MIDEAS: variants seen among roughly 807,000 people sequenced by gnomAD.
MIDEAS encodes mitotic deacetylase associated SANT domain protein, also known as mitotic deacetylase-associated SANT domain protein.
In MIDEAS, 26 loss-of-function variants were observed where a neutral mutation model predicts 102.7. The observed-to-expected ratio is 0.25, with a 90% CI of 0.19 to 0.35. The LOEUF (loss-of-function observed/expected upper bound fraction) is 0.35, where lower values mean the gene tolerates loss of function less well. Ranked by LOEUF, MIDEAS falls within the 10% of genes least tolerant of loss-of-function variation. The pLI is 1.00. For synonymous variants in MIDEAS, 585 were observed against 591.0 expected (o/e 0.99, Z 0.15); for missense variants, 1,231 against 1,435.6 (o/e 0.86, Z 2.30).
chr14:73,723,119 T>A, intron 9 of MIDEAS: 1 of 287,398 alleles, frequency 3.5e-6, no homozygotes, highest in Non-Finnish European at 6.6e-6. Context: ...GCAATATGGA[T>A]TGCATATCAG....
At chr14:73,728,124 T>C (rs2053088996) in intron 4 of MIDEAS, 1 of 150,668 alleles carries the variant, frequency 6.6e-6, no homozygotes, top group Admixed American at 6.6e-5. Flanking sequence ...GCTCAAGGAG[T>C]TGAACCTCCA....
At chr14:73,723,576 A>G (rs971625244) in intron 9 of MIDEAS, 2 of 152,276 alleles carry the variant, frequency 1.3e-5, no homozygotes, top group African/African-American at 4.8e-5. Context: ...ACTGTAACTT[A>G]CTTTTAATGA....
rs747771368 is a variant in MIDEAS at position 73,739,122 on chromosome 14, A to C, written c.887T>G (p.Leu296Arg). The C allele has an allele frequency of 6.2e-6, 10 of 1,610,752 alleles. No individual in the cohort carries two copies. Among genetic ancestry groups the C allele is most frequent in the Admixed American group, 1.7e-5 (1 of 59,848 alleles). ...GTGGTGAGCCAGGTGGGACTGTCCC[A>C]GTGGCCCAGCTGGCTGCAGGCCAAA... ...QDFGLQPAGP[L>R]GQSHLAHHSM... The change falls in exon 2 of 13, where the codon CTG (leucine) becomes CGG (arginine). Residue 296 changes from leucine to arginine, a missense_variant. Physicochemically the swap from Leu to Arg is moderately radical, Grantham distance 102 (BLOSUM62 -2). This residue lies in a region of MIDEAS where 758 missense variants were observed against 856.0 expected (regional missense o/e 0.89). Coordinates refer to ENST00000423556, the MANE Select transcript of MIDEAS (RefSeq NM_001367710.1).
intron 1 of MIDEAS, among the ~76,000 whole-genome samples, chr14:73,749,169 A>G (rs2053390907): frequency 1.3e-5 from 2 of 152,196 alleles, no homozygotes; most frequent in South Asian, 4.1e-4. Flanking sequence ...ACAGCAAAAT[A>G]CACACAAATA....
chr14:73,782,993 C>A (rs1319448679), intron 1 of MIDEAS, among the ~76,000 whole-genome samples: 3 of 152,180 alleles, frequency 2.0e-5, no homozygotes, highest in Admixed American at 2.0e-4. Flanking sequence ...GGCCACTGCT[C>A]TTTGTATCAG....
chr14:73,767,043 T>C (rs1256391288), intron 1 of MIDEAS, among the ~76,000 whole-genome samples: 1 of 150,926 alleles, frequency 6.6e-6, no homozygotes, highest in African/African-American at 2.4e-5. Context: ...TTAGTAGAGA[T>C]GGGGTTTCGT....
chr14:73,739,909 G>A lies in MIDEAS; in HGVS notation c.100C>T (p.Pro34Ser). Residue 34 changes from proline (P) to serine (S), a missense_variant, in exon 2 of 13, where the codon CCC (proline) becomes TCC (serine). Coordinates refer to ENST00000423556, the MANE Select transcript of MIDEAS (RefSeq NM_001367710.1). Reference protein sequence around the residue: ...APKEQPPPLQPPQQSIRVKEE... With the variant: ...APKEQPPPLQSPQQSIRVKEE... The stretch of plus-strand genomic sequence containing the variant: ...TTCACTCTGATGGACTGCTGGGGGG[G>A]CTGCAGGGGAGGGGGCTGCTCCTTG... The A allele has an allele frequency of 1.3e-6, 2 of 1,548,008 alleles. No individual in the cohort carries two copies. The highest frequency in any genetic ancestry group is 1.2e-5 in the South Asian group (1 of 80,746).
intron 3 of MIDEAS, among the ~76,000 whole-genome samples, chr14:73,733,600 C>T (rs2053165553): frequency 6.6e-6 from 1 of 152,060 alleles, no homozygotes; most frequent in Admixed American, 6.6e-5. Context: ...AACCCCTGCC[C>T]CCGCCCAAAA....
rs1305551980 is a variant in MIDEAS at position 73,715,144 on chromosome 14, A to G, written c.*3699T>C. On this transcript the variant is annotated 3_prime_UTR_variant, in exon 13 of 13. Coordinates refer to ENST00000423556, the MANE Select transcript of MIDEAS (RefSeq NM_001367710.1). Reference sequence around the variant, plus strand: ...CTCTGAATTTTTAAAACCTTATTTAATAAAAGGTTTAAAGATACAGAAGAA... The same window carrying G: ...CTCTGAATTTTTAAAACCTTATTTAGTAAAAGGTTTAAAGATACAGAAGAA... The G allele has an allele frequency of 6.6e-6, 1 of 152,640 alleles. No individual in the cohort carries two copies. Among genetic ancestry groups the G allele is most frequent in the African/African-American group, 2.4e-5 (1 of 41,458 alleles). The allele number at this position is 152,640 out of a possible 1,614,324, so 9.5% of individuals were successfully genotyped here. A position where few individuals can be genotyped will look rare whatever the true frequency, so the allele number is the denominator to read the frequency against.
chr14:73,752,440 T>C (rs1255141675), intron 1 of MIDEAS, among the ~76,000 whole-genome samples: 1 of 152,162 alleles, frequency 6.6e-6, no homozygotes, highest in African/African-American at 2.4e-5. Context: ...CTCTCCTGAC[T>C]GGTCAGGGCT....
rs941772398 is a variant in MIDEAS, at chr14:73,718,564, TCCCTCCCGAGGGGACCGGGA to T, written c.*259_*278del. On this transcript the variant is annotated 3_prime_UTR_variant, in exon 13 of 13. Transcript: ENST00000423556. ...AATCGGAGTGTGAGAGGCGGTGGAG[TCCCTCCCGAGGGGACCGGGA>T]CTCTCCCGGTCCAGGAAAGCACGAG... 114 of 304,516 alleles carry T rather than the reference TCCCTCCCGAGGGGACCGGGA, an allele frequency of 3.7e-4. No homozygotes were observed. The highest frequency in any genetic ancestry group is 8.9e-4 in the Middle Eastern group (1 of 1,128). The allele number at this position is 304,516 out of a possible 1,614,324, so 18.9% of individuals were successfully genotyped here.
intron 1 of MIDEAS, among the ~76,000 whole-genome samples, chr14:73,751,075 T>C (rs1012613966): frequency 6.6e-6 from 1 of 152,234 alleles, no homozygotes; most frequent in Non-Finnish European, 1.5e-5. Context: ...GGTCTTGAAC[T>C]CCTTGCCTCA....
rs1337599198 is a variant in MIDEAS, at chr14:73,759,422, T to TGGCGGGGCCGCGCCCGGGTG, written c.-248+321_-248+340dup. On this transcript the variant is annotated intron_variant, in intron 1 of 12. Coordinates refer to ENST00000423556, the MANE Select transcript of MIDEAS (RefSeq NM_001367710.1). The surrounding 1 kb of genome is among the most constrained non-coding windows in gnomAD (Gnocchi z 6.7). ...GGCCGCCGGGTGGGGAGGGCTTTCC[T>TGGCGGGGCCGCGCCCGGGTG]GGCGGGGCCGCGCCCGGGTGGGCGG... Among the ~76,000 whole-genome samples the TGGCGGGGCCGCGCCCGGGTG allele has an allele frequency of 2.0e-5, 3 of 150,376 alleles. No individual in the cohort carries two copies. The highest frequency in any genetic ancestry group is 7.3e-5 in the African/African-American group (3 of 40,930).
intron 1 of MIDEAS, among the ~76,000 whole-genome samples, chr14:73,752,263 C>T (rs2053428978): frequency 6.6e-6 from 1 of 152,194 alleles, no homozygotes; most frequent in Non-Finnish European, 1.5e-5. Context: ...CCTAAGGACA[C>T]ATGGCTGACT....
upstream of MIDEAS, among the ~76,000 whole-genome samples, chr14:73,762,620 A>G (rs1391145270): frequency 1.3e-5 from 2 of 152,214 alleles, no homozygotes; most frequent in African/African-American, 4.8e-5. Flanking sequence ...AAAGCCCTGG[A>G]GGTCAGTTTT....
At chr14:73,771,230 A>G (rs935375838) in intron 1 of MIDEAS, among the ~76,000 whole-genome samples, 2 of 152,236 alleles carry the variant, frequency 1.3e-5, no homozygotes, top group Non-Finnish European at 2.9e-5. Flanking sequence ...AACAAACTCC[A>G]GTCTTTGACA....
rs770617570 is a variant in MIDEAS, at chr14:73,739,259, C to T, written c.750G>A (p.Gln250=). The change falls in exon 2 of 13, where the codon CAG becomes CAA. Residue 250 remains glutamine, a synonymous_variant. Coordinates refer to ENST00000423556, the MANE Select transcript of MIDEAS (RefSeq NM_001367710.1). The stretch of plus-strand genomic sequence containing the variant: ...GCTGCTGCTGCTGTGGTTGCTGCTG[C>T]TGCTGCTGCTTCTGTGGAGGGAAGG... ...VAAFPPQKQQ[Q]QQQPQQQQQQ... 4.3e-5 allele frequency: 69 copies of T among 1,611,452 alleles called. No homozygotes were observed. The highest frequency in any genetic ancestry group is 1.6e-4 in the Middle Eastern group (1 of 6,070).
intron 4 of MIDEAS, chr14:73,729,157 C>G (rs2053103926): frequency 6.5e-6 from 1 of 154,730 alleles, no homozygotes; most frequent in Admixed American, 6.4e-5. Context: ...TGTTCGAGAG[C>G]CCCAGAGACT....
chr14:73,738,864 AG>A lies in MIDEAS; in HGVS notation c.1144del (p.Leu382CysfsTer23). ...TGNLFLHHWP[L>X]QQPPPGSLGQ... is the part of the protein sequence containing the mutation. The stretch of plus-strand genomic sequence containing the variant: ...CAGGGAGCCAGGTGGCGGCTGCTGC[AG>A]GGGCCAGTGATGTAGGAACAGGTTG... On this transcript the variant is annotated frameshift_variant, in exon 2 of 13. Coordinates refer to ENST00000423556, the MANE Select transcript of MIDEAS (RefSeq NM_001367710.1). LOFTEE classifies it high-confidence loss of function. 1.3e-6 allele frequency: 2 copies of A among 1,570,898 alleles called. No individual in the cohort carries two copies. The highest frequency in any genetic ancestry group is 8.6e-7 in the Non-Finnish European group (1 of 1,158,554).
Sources: allele counts gnomAD v4.1 joint callset (sites outside exome capture counted in the v4.1 genomes callset), GRCh38; gene constraint gnomAD v4.1.1; regional missense constraint gnomAD v4.1.1; non-coding constraint Gnocchi (gnomAD v3.1); transcripts MANE v1.5; gene names NCBI Gene and HGNC (gene_info 2026-07-23, HGNC 2026-07-21).